VTI1A: variants seen among roughly 807,000 people sequenced by gnomAD.
VTI1A encodes vesicle transport through interaction with t-SNAREs homolog 1A.
VTI1A carries 22 observed loss-of-function variants against 34.9 expected under a neutral mutation model. That is an observed-to-expected ratio of 0.63 (90% CI 0.45 to 0.90). The LOEUF (loss-of-function observed/expected upper bound fraction) is 0.90. VTI1A is among the 40% of genes least tolerant of loss of function. The pLI is 0.00. For synonymous variants in VTI1A, 87 were observed against 97.3 expected, an observed-to-expected ratio of 0.89 and a Z score of 0.62; for missense variants, 268 against 275.6, an observed-to-expected ratio of 0.97 and a Z score of 0.20.
intron 7 of VTI1A, among the ~76,000 whole-genome samples, chr10:112,683,967 C>G (rs1020463030): frequency 6.6e-6 from 1 of 151,052 alleles, no homozygotes; most frequent in East Asian, 2.0e-4. Flanking sequence ...CGCTTGAACC[C>G]GGGAGGTAGA....
intron 5 of VTI1A, among the ~76,000 whole-genome samples, chr10:112,558,807 T>C (rs1191330408): frequency 6.6e-6 from 1 of 152,244 alleles, no homozygotes; most frequent in East Asian, 1.9e-4. Context: ...AGATGTGTGG[T>C]ATGCATCCCT....
chr10:112,698,609 G>A (rs1405707472), intron 7 of VTI1A, among the ~76,000 whole-genome samples: 5 of 152,156 alleles, frequency 3.3e-5, no homozygotes, highest in Admixed American at 6.5e-5. Context: ...ACTTGTAATC[G>A]AATCTGCTCT....
intron 7 of VTI1A, among the ~76,000 whole-genome samples, chr10:112,803,369 CCTT>C (rs1852945453): frequency 6.6e-6 from 1 of 152,202 alleles, no homozygotes; most frequent in South Asian, 2.1e-4. Context: ...CACCCAGCCT[CCTT>C]CTTCATTTTA....
chr10:112,693,001 G>A (rs965037084), intron 7 of VTI1A, among the ~76,000 whole-genome samples: 2 of 152,190 alleles, frequency 1.3e-5, no homozygotes, highest in Non-Finnish European at 2.9e-5. Context: ...TCTCTCACGA[G>A]CACAAGTGAA....
chr10:112,755,338 T>C (rs1427967418), intron 7 of VTI1A, among the ~76,000 whole-genome samples: 1 of 152,130 alleles, frequency 6.6e-6, no homozygotes, highest in Non-Finnish European at 1.5e-5. Context: ...AGATGCCCGC[T>C]TGGGAAAGCA....
intron 7 of VTI1A, among the ~76,000 whole-genome samples, chr10:112,698,493 T>G (rs1403532883): frequency 6.6e-6 from 1 of 152,186 alleles, no homozygotes; most frequent in African/African-American, 2.4e-5. Flanking sequence ...CTAGCTTCAG[T>G]TTTTTTAAGT....
At chr10:112,740,712 G>T (rs1402534586) in intron 7 of VTI1A, among the ~76,000 whole-genome samples, 1 of 152,212 alleles carries the variant, frequency 6.6e-6, no homozygotes, top group African/African-American at 2.4e-5. Context: ...ATGCTCATGT[G>T]CTGCTGGTGA....
chr10:112,610,507 T>TA (rs1845255158), intron 5 of VTI1A, among the ~76,000 whole-genome samples: 1 of 152,224 alleles, frequency 6.6e-6, no homozygotes, highest in Admixed American at 6.5e-5. Flanking sequence ...TTGACTCTAA[T>TA]ATTATGACCT....
At chr10:112,768,697 G>T (rs1851716232) in intron 7 of VTI1A, among the ~76,000 whole-genome samples, 1 of 152,178 alleles carries the variant, frequency 6.6e-6, no homozygotes. Context: ...GCAGGGGTGA[G>T]GGTGGGGAAA....
At chr10:112,716,937 G>T (rs1406097353) in intron 7 of VTI1A, among the ~76,000 whole-genome samples, 1 of 152,202 alleles carries the variant, frequency 6.6e-6, no homozygotes, top group Non-Finnish European at 1.5e-5. Flanking sequence ...GGGGCTGTAG[G>T]TTCCCCACCA....
chr10:112,713,850 TAAC>T (rs1444549478), intron 7 of VTI1A, among the ~76,000 whole-genome samples: 1 of 152,194 alleles, frequency 6.6e-6, no homozygotes, highest in East Asian at 1.9e-4. Context: ...CTCTGGTCCT[TAAC>T]AACCCGTGTA....
At chr10:112,830,849 A>ATATATATATATATATATATTT in the VTI1A span, among the ~76,000 whole-genome samples, 108 of 33,434 alleles carry the variant, frequency 3.2e-3, 3 homozygotes, top group East Asian at 7.4e-3. Context: ...ATATATATAT[A>ATATATATATATATATATATTT]TTTTTTTTTT....
At chr10:112,846,178 G>A in the VTI1A span, among the ~76,000 whole-genome samples, 32 of 152,228 alleles carry the variant, frequency 2.1e-4, no homozygotes, top group Non-Finnish European at 3.4e-4. Context: ...TTTATTTTGG[G>A]GGTCTTTCCC....
At chr10:112,601,628 G>T (rs188059430) in intron 5 of VTI1A, among the ~76,000 whole-genome samples, 96 of 152,150 alleles carry the variant, frequency 6.3e-4, no homozygotes, top group Non-Finnish European at 1.1e-3. Flanking sequence ...AGCATGACTG[G>T]CCAGTAAAAC....
intron 4 of VTI1A, among the ~76,000 whole-genome samples, chr10:112,534,967 G>A (rs999777500): frequency 6.6e-6 from 1 of 152,160 alleles, no homozygotes; most frequent in Non-Finnish European, 1.5e-5. Context: ...TATTGTTTAT[G>A]TATTAAATTG....
At chr10:112,659,797 C>A (rs1260865501) in intron 5 of VTI1A, among the ~76,000 whole-genome samples, 9 of 152,172 alleles carry the variant, frequency 5.9e-5, no homozygotes, top group African/African-American at 2.2e-4. Context: ...AGTTTACCTT[C>A]AGTTGAGATG....
At position 112,447,278 on chromosome 10, in the gene VTI1A, C is replaced by T; in HGVS notation, c.-96C>T. ...GTTCTCCGTTCTGCTCTCGGGGGCA[C>T]CTTCCGGGGTTCCTAAGCCGCGGGG... On this transcript the variant is annotated 5_prime_UTR_variant, in exon 1 of 8. Coordinates refer to ENST00000393077, the MANE Select transcript of VTI1A (RefSeq NM_145206.4). The T allele has an allele frequency of 1.5e-6, 2 of 1,372,224 alleles. No individual in the cohort carries two copies. Among genetic ancestry groups the T allele is most frequent in the Non-Finnish European group, 2.0e-6 (2 of 999,828 alleles). 85.0% of individuals were successfully genotyped at this position (1,372,224 alleles called of 1,614,324 possible).
chr10:112,498,254 A>AG (rs1186620633), intron 3 of VTI1A, among the ~76,000 whole-genome samples: 1 of 152,192 alleles, frequency 6.6e-6, no homozygotes, highest in Non-Finnish European at 1.5e-5. Flanking sequence ...CTCATCCATA[A>AG]GGGGATAAGG....
chr10:112,711,611 G>A (rs1057265493), intron 7 of VTI1A, among the ~76,000 whole-genome samples: 1 of 152,190 alleles, frequency 6.6e-6, no homozygotes, highest in African/African-American at 2.4e-5. Context: ...ATCAGAGCTG[G>A]CCAAGTTCAA....
Sources: allele counts gnomAD v4.1 joint callset (sites outside exome capture counted in the v4.1 genomes callset), GRCh38; gene constraint gnomAD v4.1.1; transcripts MANE v1.5; gene names NCBI Gene and HGNC (gene_info 2026-07-23, HGNC 2026-07-21).